Variants in CDKL5 observed in about 807,000 individuals in gnomAD.
CDKL5 encodes cyclin dependent kinase like 5, also known as cyclin-dependent kinase-like 5.
In CDKL5, 8 loss-of-function variants were observed where a neutral mutation model predicts 61.7. That is an observed-to-expected ratio of 0.13 (90% confidence interval 0.08 to 0.23). CDKL5 has a LOEUF of 0.23. Ranked by LOEUF, CDKL5 falls within the 10% of genes least tolerant of loss-of-function variation. The pLI is 1.00. For synonymous variants in CDKL5, 275 were observed against 272.3 expected (o/e 1.01, Z -0.10); for missense variants, 440 against 734.5 (o/e 0.60, Z 4.63).
chrX:18,610,769 G>A (rs887769643), intron 14 of CDKL5, among the ~76,000 whole-genome samples: 2 of 112,419 alleles, frequency 1.8e-5, no homozygotes, highest in Admixed American at 9.4e-5. Context: ...ACACCCTGGT[G>A]GAGAAAATGG....
At chrX:18,524,294 T>C (rs1923354095) in intron 3 of CDKL5, among the ~76,000 whole-genome samples, 2 of 112,290 alleles carry the variant, frequency 1.8e-5, no homozygotes, top group African/African-American at 6.5e-5. Flanking sequence ...ATGGATATGA[T>C]ATGTGGGTAA....
chrX:18,472,117 C>G (rs146372821), intron 1 of CDKL5, among the ~76,000 whole-genome samples: 5 of 112,146 alleles, frequency 4.5e-5, no homozygotes, highest in Non-Finnish European at 9.4e-5. Flanking sequence ...ATTATTCATT[C>G]TGTCTAACTA....
exon 22 of CDKL5, chrX:18,653,561 G>A: frequency 8.3e-7 from 1 of 1,208,453 alleles, no homozygotes; most frequent in Non-Finnish European, 1.1e-6. Context: ...CAAGCCTGCG[G>A]CTGGTCCCAA....
At chrX:18,626,732 TCTCCCCCCCC>T (rs1477360847) in intron 17 of CDKL5, 1 of 21,001 alleles carries the variant, frequency 4.8e-5, no homozygotes, top group Non-Finnish European at 7.4e-5. Context: ...CTCCCCCCTC[TCTCCCCCCCC>T]CTCCCCCCCC....
At chrX:18,594,332 A>G (rs1925921981) in intron 9 of CDKL5, among the ~76,000 whole-genome samples, 1 of 112,124 alleles carries the variant, frequency 8.9e-6, no homozygotes, top group Admixed American at 9.5e-5. Flanking sequence ...GGCAGAGGAA[A>G]GAACAAAAAG....
intron 1 of CDKL5, among the ~76,000 whole-genome samples, chrX:18,483,696 AG>A (rs1317654931): frequency 2.7e-5 from 3 of 110,764 alleles, no homozygotes; most frequent in African/African-American, 9.9e-5. Flanking sequence ...TTGGGATTAC[AG>A]GTGTGAGCCA....
intron 21 of CDKL5, among the ~76,000 whole-genome samples, chrX:18,651,272 A>T (rs1235159383): frequency 1.0e-4 from 11 of 106,862 alleles, no homozygotes; most frequent in Admixed American, 6.3e-4. Context: ...TGTGAGAGAG[A>T]GAGAGAGAGA....
chrX:18,584,545 G>A (rs1433977429), intron 8 of CDKL5, among the ~76,000 whole-genome samples, 192 bp downstream of exon 8: 1 of 112,071 alleles, frequency 8.9e-6, no homozygotes, highest in Non-Finnish European at 1.9e-5. Context: ...AATTCTGGGT[G>A]TGGGGGAATC....
chrX:18,524,833 C>T (rs1301180378), intron 3 of CDKL5, among the ~76,000 whole-genome samples: 2 of 111,921 alleles, frequency 1.8e-5, no homozygotes, highest in Admixed American at 9.5e-5. Flanking sequence ...CATCTAGCAC[C>T]GTTTGTTGAA....
At chrX:18,616,624 T>G (rs764729694) in intron 15 of CDKL5, among the ~76,000 whole-genome samples, 75 of 92,732 alleles carry the variant, frequency 8.1e-4, no homozygotes, top group African/African-American at 2.8e-3. Context: ...AAACTCCGTC[T>G]AAAAAAAAAA....
chrX:18,448,914 G>T (rs1931943703), intron 1 of CDKL5, among the ~76,000 whole-genome samples: 1 of 111,999 alleles, frequency 8.9e-6, no homozygotes, highest in Non-Finnish European at 1.9e-5. Context: ...GGAGTGCAGT[G>T]GCACGATCTC....
chrX:18,575,768 G>A (rs907851753), intron 5 of CDKL5, among the ~76,000 whole-genome samples: 9 of 112,178 alleles, frequency 8.0e-5, no homozygotes, highest in African/African-American at 2.9e-4. Context: ...GTAATTTTTA[G>A]ACTTGACTTA....
intron 1 of CDKL5, among the ~76,000 whole-genome samples, chrX:18,499,315 C>A (rs984337388): frequency 9.5e-6 from 1 of 105,578 alleles, no homozygotes; most frequent in Non-Finnish European, 1.9e-5. Context: ...ATAGTTTGAT[C>A]TTTCACCTTT....
rs192441458 is a variant in CDKL5, at chrX:18,507,726, G to C, written c.64+566G>C. Among the ~76,000 whole-genome samples, 452 of 110,908 alleles carry C rather than the reference G, an allele frequency of 4.1e-3. 2 individuals are homozygous for C. Among genetic ancestry groups the C allele is most frequent in the African/African-American group, 0.014 (438 of 30,574 alleles). On this transcript the variant is annotated intron_variant, in intron 2 of 17. Coordinates refer to ENST00000623535, the MANE Select transcript of CDKL5 (RefSeq NM_001323289.2). ...TTACAGGCGTGAGCCACTGTGCCCAGCTAATTTTTGTATTTTCAGTAGAGA... is the reference window on the plus strand; with the variant it reads ...TTACAGGCGTGAGCCACTGTGCCCACCTAATTTTTGTATTTTCAGTAGAGA...
rs780582087 is a variant in CDKL5, at chrX:18,456,475, A to G, written c.-163+30780A>G. Reference sequence around the variant, plus strand: ...AGGATAATTATACTCAGTTGAGTATATTATATTCCATATGTCAAAGATGCT... The same window carrying G: ...AGGATAATTATACTCAGTTGAGTATGTTATATTCCATATGTCAAAGATGCT... On this transcript the variant is annotated intron_variant, in intron 1 of 17. Transcript: ENST00000623535. Among the ~76,000 whole-genome samples, 5 of 112,625 alleles carry G rather than the reference A, an allele frequency of 4.4e-5. No individual in the cohort carries two copies. In the South Asian group the frequency reaches 1.4e-3, roughly 33 times the overall value.
At chrX:18,580,381 G>T (rs1338440987) in intron 6 of CDKL5, among the ~76,000 whole-genome samples, 2 of 111,466 alleles carry the variant, frequency 1.8e-5, no homozygotes, top group South Asian at 7.6e-4. Context: ...GCTTTATATA[G>T]GTGGTTCCTA....
At chrX:18,491,507 G>A (rs953470234) in intron 1 of CDKL5, among the ~76,000 whole-genome samples, 10 of 111,197 alleles carry the variant, frequency 9.0e-5, no homozygotes, top group African/African-American at 3.3e-4. Flanking sequence ...TTGATAAGAG[G>A]GTCTGTTTTT....
chrX:18,453,546 T>C (rs775715485), intron 1 of CDKL5, among the ~76,000 whole-genome samples: 1 of 111,950 alleles, frequency 8.9e-6, no homozygotes. Context: ...GTTTCATGAA[T>C]GTTTTCTTTA....
At chrX:18,516,866 G>T (rs1206736251) in intron 3 of CDKL5, among the ~76,000 whole-genome samples, 1 of 111,669 alleles carries the variant, frequency 9.0e-6, no homozygotes, top group Non-Finnish European at 1.9e-5. Context: ...CTCCCAAGTA[G>T]CTGGGATTAC....
Sources: gnomAD v4.1 joint callset for allele counts (sites outside exome capture counted in the v4.1 genomes callset) on GRCh38, gnomAD v4.1.1 for gene constraint, MANE v1.5 for transcripts, NCBI Gene and HGNC (gene_info 2026-07-23, HGNC 2026-07-21) for gene names.